Variants in STK3 observed in about 807,000 individuals in gnomAD.
STK3 encodes serine/threonine kinase 3, also known as serine/threonine-protein kinase 3.
STK3 carries 41 observed loss-of-function variants against 58.0 expected under a neutral mutation model. The observed-to-expected ratio is 0.71, with a 90% confidence interval of 0.55 to 0.92. The LOEUF (loss-of-function observed/expected upper bound fraction) is 0.92. STK3 is among the 40% of genes least tolerant of loss of function. STK3 has a pLI of 0.00. For missense variants in STK3, 479 were observed against 602.7 expected, an observed-to-expected ratio of 0.79 and a Z score of 2.15; for synonymous variants, 170 against 191.0, an observed-to-expected ratio of 0.89 and a Z score of 0.91.
chr8:98,941,281 C>T (rs1840416551), intron 1 of STK3, among the ~76,000 whole-genome samples: 2 of 152,248 alleles, frequency 1.3e-5, no homozygotes, highest in Non-Finnish European at 2.9e-5. Flanking sequence ...CGGCCTAGTA[C>T]ACGCAATCCT....
At chr8:98,441,269 T>C (rs1818684709) in intron 1 of STK3, among the ~76,000 whole-genome samples, 1 of 152,214 alleles carries the variant, frequency 6.6e-6, no homozygotes, top group African/African-American at 2.4e-5. Context: ...CACATCTTTA[T>C]ACCCGGAGAA....
chr8:98,933,270 C>T (rs557012694), intron 1 of STK3, among the ~76,000 whole-genome samples: 3 of 152,188 alleles, frequency 2.0e-5, no homozygotes, highest in South Asian at 2.1e-4. Context: ...CCTAAAAAAG[C>T]GAAATACATT....
intron 1 of STK3, among the ~76,000 whole-genome samples, chr8:98,909,369 G>A (rs1326648687): frequency 6.6e-6 from 1 of 151,966 alleles, no homozygotes; most frequent in Non-Finnish European, 1.5e-5. Context: ...CACATACCAC[G>A]CAACTCACAA....
rs776258229 is a variant in STK3 at position 98,428,309 on chromosome 8, C to T, written n.483+5818G>A. On this transcript the variant is annotated intron_variant and non_coding_transcript_variant, in intron 3 of 3. Coordinates refer to the STK3 transcript ENST00000517832. The surrounding 1 kb of genome is among the most constrained non-coding windows in gnomAD (Gnocchi z 6.7). Reference sequence around the variant, plus strand: ...GCCAGGAGATCGAGTACTGGGGCATCAACGAGTTCTTCATTGACTCCTGCT... The same window carrying T: ...GCCAGGAGATCGAGTACTGGGGCATTAACGAGTTCTTCATTGACTCCTGCT... 1.9e-6 allele frequency: 3 copies of T among 1,614,160 alleles called. No homozygotes were observed. Among genetic ancestry groups the T allele is most frequent in the African/African-American group, 1.3e-5 (1 of 75,032 alleles).
At chr8:98,695,681 G>T (rs1824846852) in intron 6 of STK3, among the ~76,000 whole-genome samples, 1 of 152,068 alleles carries the variant, frequency 6.6e-6, no homozygotes, top group Admixed American at 6.5e-5. Flanking sequence ...ATTTCTGAGG[G>T]CTCTGCTCTG....
chr8:98,454,215 G>C, downstream of STK3, among the ~76,000 whole-genome samples: 1 of 152,138 alleles, frequency 6.6e-6, no homozygotes, highest in East Asian at 1.9e-4. Context: ...AGCTTTTCCT[G>C]TTCTCTCCCC....
intron 4 of STK3, among the ~76,000 whole-genome samples, chr8:98,738,404 CG>C (rs1466244208): frequency 1.3e-5 from 2 of 151,876 alleles, no homozygotes; most frequent in African/African-American, 2.4e-5. Flanking sequence ...ATCTGGGAGG[CG>C]GAAGTTGCAG....
chr8:98,736,673 A>G (rs1374413174), intron 4 of STK3, among the ~76,000 whole-genome samples: 4 of 152,308 alleles, frequency 2.6e-5, no homozygotes, highest in Non-Finnish European at 5.9e-5. Flanking sequence ...ATTTCTTTCA[A>G]AGACAAGCAC....
intron 6 of STK3, chr8:98,598,821 T>C (rs1816058417): frequency 1.0e-6 from 1 of 985,306 alleles, no homozygotes; most frequent in African/African-American, 1.7e-5. Context: ...CACAATGTGT[T>C]GCTTAACTAC....
intron 3 of STK3, among the ~76,000 whole-genome samples, chr8:98,870,326 A>T (rs1027036103): frequency 6.6e-6 from 1 of 152,258 alleles, no homozygotes; most frequent in Non-Finnish European, 1.5e-5. Context: ...TCTTTATAGC[A>T]GCATGATTTA....
intron 3 of STK3, among the ~76,000 whole-genome samples, chr8:98,407,803 C>T (rs1288633305): frequency 6.6e-6 from 1 of 151,844 alleles, no homozygotes; most frequent in Admixed American, 6.6e-5. Flanking sequence ...CCCTTAGCCT[C>T]CAGGCTGATT....
intron 6 of STK3, among the ~76,000 whole-genome samples, chr8:98,680,454 A>G (rs1381354853): frequency 1.3e-5 from 2 of 152,204 alleles, no homozygotes; most frequent in Non-Finnish European, 2.9e-5. Flanking sequence ...ATGGAAAATA[A>G]CAAAAGCCGA....
At chr8:98,679,267 T>C (rs1396106451) in intron 6 of STK3, among the ~76,000 whole-genome samples, 1 of 152,224 alleles carries the variant, frequency 6.6e-6, no homozygotes, top group African/African-American at 2.4e-5. Flanking sequence ...CTAGGCTCTA[T>C]GATCTGGACC....
chr8:98,830,869 C>A (rs948791305), intron 3 of STK3, among the ~76,000 whole-genome samples: 2 of 148,620 alleles, frequency 1.3e-5, no homozygotes, highest in Admixed American at 6.8e-5. Context: ...ACTCGGGAGG[C>A]TGAGGCAGGA....
At chr8:98,854,198 G>A (rs1375341494) in intron 3 of STK3, among the ~76,000 whole-genome samples, 1 of 152,126 alleles carries the variant, frequency 6.6e-6, no homozygotes, top group Non-Finnish European at 1.5e-5. Flanking sequence ...GAGTGCAATG[G>A]CATGATCTCG....
intron 10 of STK3, among the ~76,000 whole-genome samples, chr8:98,494,359 C>T (rs958910321): frequency 3.3e-5 from 5 of 152,170 alleles, no homozygotes; most frequent in Non-Finnish European, 7.3e-5. Flanking sequence ...CATCCCTTTT[C>T]TCTCAGGTGA....
At chr8:98,381,660 AC>A (rs1817734534) in intron 1 of STK3, among the ~76,000 whole-genome samples, 1 of 152,166 alleles carries the variant, frequency 6.6e-6, no homozygotes, top group Non-Finnish European at 1.5e-5. Context: ...TAACTCTCAC[AC>A]CTTTTGAGGT....
At chr8:98,552,585 G>C (rs929223698) in intron 8 of STK3, among the ~76,000 whole-genome samples, 4 of 152,050 alleles carry the variant, frequency 2.6e-5, no homozygotes, top group African/African-American at 9.7e-5. Context: ...AAATCAGTTT[G>C]ATAATTTATT....
intron 4 of STK3, among the ~76,000 whole-genome samples, chr8:98,713,443 A>G (rs1016889946): frequency 6.6e-6 from 1 of 152,216 alleles, no homozygotes. Flanking sequence ...GATAAAGGTG[A>G]TATCACCACC....
Sources: allele counts gnomAD v4.1 joint callset (sites outside exome capture counted in the v4.1 genomes callset), GRCh38; gene constraint gnomAD v4.1.1; non-coding constraint Gnocchi (gnomAD v3.1); transcripts MANE v1.5; gene names NCBI Gene and HGNC (gene_info 2026-07-23, HGNC 2026-07-21).